Variants in CACNA2D3 observed in about 807,000 individuals in gnomAD.
The protein encoded by CACNA2D3 is voltage-dependent calcium channel subunit alpha-2/delta-3.
Under a neutral mutation model 160.6 loss-of-function variants are expected in CACNA2D3, and 60 were observed. That is an observed-to-expected ratio of 0.37 (90% CI 0.30 to 0.46). CACNA2D3 has a LOEUF of 0.46. Among genes scored for constraint, CACNA2D3 ranks in the 20% least tolerant of loss-of-function variants. CACNA2D3 has a pLI of 1.00. For missense variants in CACNA2D3, 1,205 were observed against 1,365.0 expected (o/e 0.88, Z 1.85); for synonymous variants, 558 against 492.9 (o/e 1.13, Z -1.75).
chr3:54,825,922 A>G (rs1007546992), intron 14 of CACNA2D3, among the ~76,000 whole-genome samples: 9 of 152,184 alleles, frequency 5.9e-5, no homozygotes, highest in Admixed American at 1.3e-4. Flanking sequence ...TACTAGATTA[A>G]TATGATGAGT....
chr3:54,273,530 G>C (rs2107453792), intron 2 of CACNA2D3, among the ~76,000 whole-genome samples: 1 of 152,244 alleles, frequency 6.6e-6, no homozygotes, highest in Non-Finnish European at 1.5e-5. Context: ...TAGTTAACCA[G>C]CTTTCACAGG....
chr3:54,208,472 C>T (rs1701311232), intron 2 of CACNA2D3, among the ~76,000 whole-genome samples: 1 of 152,156 alleles, frequency 6.6e-6, no homozygotes, highest in South Asian at 2.1e-4. Context: ...TTTCCAATAG[C>T]CCTGGGCTGG....
intron 4 of CACNA2D3, among the ~76,000 whole-genome samples, chr3:54,478,071 A>G (rs1700861351): frequency 6.6e-6 from 1 of 152,166 alleles, no homozygotes; most frequent in African/African-American, 2.4e-5. Context: ...GTTAGCTAGA[A>G]TGCCACTACT....
chr3:54,467,482 C>T (rs1286885886), intron 4 of CACNA2D3, among the ~76,000 whole-genome samples: 3 of 152,174 alleles, frequency 2.0e-5, no homozygotes, highest in Non-Finnish European at 2.9e-5. Flanking sequence ...GAGACTTGGG[C>T]AAGCCATTGT....
At chr3:54,623,568 C>G (rs897805840) in intron 9 of CACNA2D3, among the ~76,000 whole-genome samples, 13 of 152,204 alleles carry the variant, frequency 8.5e-5, no homozygotes, top group African/African-American at 3.1e-4. Context: ...GCAAAACTCA[C>G]ACATGTCCCT....
intron 35 of CACNA2D3, among the ~76,000 whole-genome samples, chr3:55,036,267 T>A (rs1703813972): frequency 6.6e-6 from 1 of 151,828 alleles, no homozygotes; most frequent in Admixed American, 6.6e-5. Flanking sequence ...GCCAACATGG[T>A]GAAACTCTGT....
At chr3:54,319,157 G>GAC (rs58790730) in intron 2 of CACNA2D3, among the ~76,000 whole-genome samples, 14,538 of 138,774 alleles carry the variant, frequency 0.1, 740 homozygotes, top group Non-Finnish European at 0.11. Context: ...AGCATTTTGT[G>GAC]ACACACACAC....
At chr3:54,428,657 G>A (rs748332308) in intron 4 of CACNA2D3, among the ~76,000 whole-genome samples, 1 of 149,972 alleles carries the variant, frequency 6.7e-6, no homozygotes, top group Non-Finnish European at 1.5e-5. Flanking sequence ...TGCTATCAAC[G>A]ATCTCTTTCT....
intron 4 of CACNA2D3, among the ~76,000 whole-genome samples, chr3:54,460,366 A>G (rs1467359474): frequency 6.6e-6 from 1 of 152,204 alleles, no homozygotes; most frequent in Non-Finnish European, 1.5e-5. Flanking sequence ...TACCTTGGGC[A>G]GTATGGCCAT....
intron 3 of CACNA2D3, among the ~76,000 whole-genome samples, chr3:54,329,293 A>G (rs1341189823): frequency 6.6e-6 from 1 of 152,112 alleles, no homozygotes; most frequent in Non-Finnish European, 1.5e-5. Context: ...GGTGCTTCAA[A>G]CTATAGTTAA....
At chr3:54,976,027 T>C (rs1384652728) in intron 29 of CACNA2D3, among the ~76,000 whole-genome samples, 2 of 149,846 alleles carry the variant, frequency 1.3e-5, no homozygotes, top group Non-Finnish European at 3.0e-5. Flanking sequence ...TCCATAGAGA[T>C]TAGATATAAA....
intron 14 of CACNA2D3, among the ~76,000 whole-genome samples, chr3:54,829,344 T>C (rs538076721): frequency 6.6e-6 from 1 of 152,084 alleles, no homozygotes; most frequent in Non-Finnish European, 1.5e-5. Context: ...GTGTTGAGGA[T>C]AAGAGATGTT....
chr3:54,189,959 C>T (rs192555331), intron 2 of CACNA2D3, among the ~76,000 whole-genome samples: 50 of 152,320 alleles, frequency 3.3e-4, no homozygotes, highest in African/African-American at 1.2e-3. Context: ...TCTATTTGGG[C>T]TGCTGTAACA....
chr3:54,749,606 A>G (rs1701820328), intron 11 of CACNA2D3, among the ~76,000 whole-genome samples: 1 of 152,200 alleles, frequency 6.6e-6, no homozygotes, highest in African/African-American at 2.4e-5. Flanking sequence ...ATTTCTCTCC[A>G]AAATATTTCC....
chr3:54,895,922 A>G (rs992768910), intron 25 of CACNA2D3, among the ~76,000 whole-genome samples: 31 of 152,226 alleles, frequency 2.0e-4, no homozygotes, highest in Non-Finnish European at 1.0e-4. Flanking sequence ...TCCTGTCCTC[A>G]GAGATCTTGG....
chr3:54,513,299 C>T (rs1701489035), intron 5 of CACNA2D3, among the ~76,000 whole-genome samples: 1 of 152,126 alleles, frequency 6.6e-6, no homozygotes, highest in African/African-American at 2.4e-5. Context: ...AACTTCTGTC[C>T]AGAACACACT....
chr3:54,379,324 A>G (rs1699061773), intron 3 of CACNA2D3, among the ~76,000 whole-genome samples: 1 of 152,272 alleles, frequency 6.6e-6, no homozygotes, highest in Admixed American at 6.5e-5. Flanking sequence ...GAACAAAGAA[A>G]TAATGAAGGC....
At chr3:54,853,946 G>C (rs1699113953) in intron 17 of CACNA2D3, among the ~76,000 whole-genome samples, 1 of 152,132 alleles carries the variant, frequency 6.6e-6, no homozygotes, top group African/African-American at 2.4e-5. Flanking sequence ...TCTGTTGCCA[G>C]CCTCCTGGAC....
chr3:54,321,877 C>T (rs1704006318), intron 3 of CACNA2D3, among the ~76,000 whole-genome samples: 1 of 147,680 alleles, frequency 6.8e-6, no homozygotes, highest in Admixed American at 6.8e-5. Flanking sequence ...TTCACAGCTG[C>T]TCCAGCGACA....
Sources: allele counts gnomAD v4.1 joint callset (sites outside exome capture counted in the v4.1 genomes callset), GRCh38; gene constraint gnomAD v4.1.1; transcripts MANE v1.5; gene names NCBI Gene and HGNC (gene_info 2026-07-23, HGNC 2026-07-21).